Variants in RAD51B observed in about 807,000 individuals in gnomAD.
RAD51B encodes the protein DNA repair protein RAD51 homolog 2.
Under a neutral mutation model 42.2 loss-of-function variants are expected in RAD51B, and 38 were observed. The ratio of observed to expected loss-of-function variants is 0.90; its 90% CI spans 0.70 to 1.18. The LOEUF (loss-of-function observed/expected upper bound fraction) is 1.18, where lower values mean the gene tolerates loss of function less well. Among genes scored for constraint, RAD51B ranks in the 50% most tolerant of loss-of-function variants. RAD51B has a pLI of 0.00. For synonymous variants in RAD51B, 154 were observed against 145.2 expected (o/e 1.06, Z -0.43); for missense variants, 373 against 400.7 (o/e 0.93, Z 0.59).
At chr14:68,489,010 A>G (rs1489228815) in intron 10 of RAD51B, among the ~76,000 whole-genome samples, 3 of 151,938 alleles carry the variant, frequency 2.0e-5, no homozygotes, top group Admixed American at 1.3e-4. Flanking sequence ...GCGGAGTGCA[A>G]TGGCGCAATC....
intron 7 of RAD51B, among the ~76,000 whole-genome samples, chr14:68,102,884 A>G (rs2077315169): frequency 6.6e-6 from 1 of 152,154 alleles, no homozygotes; most frequent in African/African-American, 2.4e-5. Context: ...GGTTTAGTTG[A>G]CTCACAGTTC....
At chr14:68,511,945 CT>C (rs1169641634) in intron 10 of RAD51B, among the ~76,000 whole-genome samples, 2 of 152,172 alleles carry the variant, frequency 1.3e-5, no homozygotes, top group African/African-American at 4.8e-5. Flanking sequence ...CTTCTAGGCA[CT>C]GCTAATTTTG....
In RAD51B at chr14:68,419,425, G is replaced by C. The variant is rs12434136; in HGVS notation, c.957+7898G>C. Among the ~76,000 whole-genome samples, 174 of 116,974 alleles carry C rather than the reference G, an allele frequency of 1.5e-3. 2 individuals carry two copies. Among genetic ancestry groups the C allele is most frequent in the Admixed American group, 0.011 (152 of 13,362 alleles). 76.7% of individuals were successfully genotyped at this position (116,974 alleles called of 152,430 possible). On this transcript the variant is annotated intron_variant, in intron 9 of 10. Transcript: ENST00000471583. ...TTATAAAGAGCTCCTAAAGAACTGT[G>C]CAGGAAAAAAAAAAAATTTAAGCAC...
chr14:68,044,283 G>C (rs1367784490), intron 7 of RAD51B, among the ~76,000 whole-genome samples: 1 of 152,178 alleles, frequency 6.6e-6, no homozygotes, highest in Non-Finnish European at 1.5e-5. Flanking sequence ...TTCTAGTTCT[G>C]AATTCTATAA....
At chr14:68,023,660 T>C (rs1281645589) in intron 7 of RAD51B, among the ~76,000 whole-genome samples, 1 of 152,202 alleles carries the variant, frequency 6.6e-6, no homozygotes, top group Non-Finnish European at 1.5e-5. Context: ...GAGAAGTGTT[T>C]GTTCATGTCC....
At chr14:68,179,942 G>A (rs2079030610) in intron 7 of RAD51B, among the ~76,000 whole-genome samples, 1 of 152,174 alleles carries the variant, frequency 6.6e-6, no homozygotes, top group South Asian at 2.1e-4. Context: ...CTTCAAGACA[G>A]TTGGGTCTTG....
chr14:67,980,400 C>T lies in RAD51B; in HGVS notation c.756+93196C>T, dbSNP rs369558222. ...CAGAAGTTGCAGTGAGCCAAGATCG[C>T]GCCATTGCCCTCCAGCTGGGCAACA... On this transcript the variant is annotated intron_variant, in intron 7 of 10. Transcript: ENST00000471583. Among the ~76,000 whole-genome samples, 25 of 152,246 alleles carry T rather than the reference C, an allele frequency of 1.6e-4. 1 individual carries two copies. In the East Asian group the frequency reaches 3.9e-3, roughly 24 times the overall value.
intron 3 of RAD51B, among the ~76,000 whole-genome samples, chr14:67,832,381 G>A (rs1033401698): frequency 2.6e-5 from 4 of 152,182 alleles, no homozygotes; most frequent in Non-Finnish European, 5.9e-5. Flanking sequence ...AAAAATGACC[G>A]TTATAAAGGT....
Position 68,477,736 on chromosome 14 carries a change from A to G in RAD51B, c.*72A>G. The G allele has an allele frequency of 6.3e-7, 1 of 1,581,554 alleles. No homozygotes were observed. The highest frequency in any genetic ancestry group is 8.5e-7 in the Non-Finnish European group (1 of 1,171,212). On this transcript the variant is annotated 3_prime_UTR_variant, in exon 11 of 11. Transcript: ENST00000471583. ...AATAAAACAGGACCGTACTGCTTGGAAGAAGGAAACGGAAGCTGACATAAT... is the reference window on the plus strand; with the variant it reads ...AATAAAACAGGACCGTACTGCTTGGGAGAAGGAAACGGAAGCTGACATAAT...
At chr14:67,882,431 T>G (rs2042935907) in intron 5 of RAD51B, among the ~76,000 whole-genome samples, 1 of 152,248 alleles carries the variant, frequency 6.6e-6, no homozygotes, top group African/African-American at 2.4e-5. Context: ...TCTATATCTG[T>G]ACTCAATCCC....
chr14:67,838,451 T>TA lies in RAD51B; in HGVS notation c.315+3264dup, dbSNP rs996628248. Among the ~76,000 whole-genome samples the TA allele has an allele frequency of 6.6e-5, 10 of 151,188 alleles. 1 individual carries two copies. The highest frequency in any genetic ancestry group is 6.3e-4 in the South Asian group (3 of 4,798). On this transcript the variant is annotated intron_variant, in intron 4 of 10. Transcript: ENST00000471583. ...TTTTTAATTTATTTTTATTTTAAATTAAAAAAAAAGATACATGGTCTAGCT... is the reference window on the plus strand; with the variant it reads ...TTTTTAATTTATTTTTATTTTAAATTAAAAAAAAAAGATACATGGTCTAGCT...
At chr14:68,331,889 A>AT (rs2082358810) in intron 8 of RAD51B, among the ~76,000 whole-genome samples, 1 of 152,120 alleles carries the variant, frequency 6.6e-6, no homozygotes, top group Non-Finnish European at 1.5e-5. Flanking sequence ...TATTGAAAGT[A>AT]TTGGGGGGGT....
At chr14:68,039,426 CAAAA>C (rs754840073) in intron 7 of RAD51B, among the ~76,000 whole-genome samples, 1 of 63,828 alleles carries the variant, frequency 1.6e-5, no homozygotes, top group East Asian at 4.7e-4. Flanking sequence ...GACTTCATTC[CAAAA>C]AAAAAAAAAA....
At chr14:67,832,258 G>A (rs1039158043) in intron 3 of RAD51B, among the ~76,000 whole-genome samples, 11 of 152,206 alleles carry the variant, frequency 7.2e-5, no homozygotes, top group African/African-American at 2.7e-4. Context: ...TTACAGGCAT[G>A]AGCCATCATG....
intron 10 of RAD51B, among the ~76,000 whole-genome samples, chr14:68,572,776 CCAT>C (rs1243832818): frequency 5.3e-5 from 8 of 152,198 alleles, no homozygotes; most frequent in Non-Finnish European, 1.2e-4. Flanking sequence ...CCTTGACTTC[CCAT>C]CTCCAAATTG....
chr14:68,618,096 A>G (rs919869809), intron 10 of RAD51B, among the ~76,000 whole-genome samples: 5 of 152,254 alleles, frequency 3.3e-5, no homozygotes, highest in African/African-American at 1.2e-4. Flanking sequence ...CAAGCCATGC[A>G]GGAACAGGTA....
intron 8 of RAD51B, among the ~76,000 whole-genome samples, chr14:68,372,558 C>A (rs968148788): frequency 6.6e-6 from 1 of 152,018 alleles, no homozygotes; most frequent in African/African-American, 2.4e-5. Flanking sequence ...TCAAGAGATA[C>A]AAAAGCAAAT....
chr14:68,408,063 C>T (rs1163929617), intron 8 of RAD51B, among the ~76,000 whole-genome samples: 1 of 151,986 alleles, frequency 6.6e-6, no homozygotes, highest in African/African-American at 2.4e-5. Context: ...AGGGAGAAAG[C>T]CACAGCAGCA....
At chr14:68,582,201 T>G (rs1346703130) in intron 10 of RAD51B, among the ~76,000 whole-genome samples, 3 of 152,128 alleles carry the variant, frequency 2.0e-5, no homozygotes, top group Admixed American at 6.5e-5. Context: ...CAAAAGAAAC[T>G]ATCATAAGAG....
Sources: gnomAD v4.1 joint callset for allele counts (sites outside exome capture counted in the v4.1 genomes callset) on GRCh38, gnomAD v4.1.1 for gene constraint, MANE v1.5 for transcripts, NCBI Gene and HGNC (gene_info 2026-07-23, HGNC 2026-07-21) for gene names.